The following COL5A1 variants were observed in gnomAD, a reference collection of about 807,000 sequenced individuals.
The protein encoded by COL5A1 is collagen type V alpha 1 chain.
COL5A1 carries 16 observed loss-of-function variants against 263.7 expected under a neutral mutation model. The ratio of observed to expected loss-of-function variants is 0.06; its 90% CI spans 0.04 to 0.09. COL5A1 has a LOEUF of 0.09. Ranked by LOEUF, COL5A1 falls within the 10% of genes least tolerant of loss-of-function variation. The pLI is 1.00. For synonymous variants in COL5A1, 1,012 were observed against 1,004.5 expected (o/e 1.01, Z -0.14); for missense variants, 2,036 against 2,540.5 (o/e 0.80, Z 4.27).
intron 37 of COL5A1, among the ~76,000 whole-genome samples, chr9:134,800,670 G>A (rs902573125): frequency 8.6e-5 from 13 of 151,460 alleles, no homozygotes; most frequent in Non-Finnish European, 1.6e-4. Flanking sequence ...GCTTGAATCC[G>A]GGAGGTGGAG....
chr9:134,702,388 G>A lies in COL5A1; in HGVS notation c.654+1055G>A, dbSNP rs978799283. On this transcript the variant is annotated intron_variant, in intron 4 of 65. Transcript: ENST00000371817. ...GTGTCTCCTCCCTAAATCCCCGAGC[G>A]CTGCCGTGAGCTCCTGGCTGTGTCT... 3.3e-5 allele frequency among the ~76,000 whole-genome samples: 5 copies of A among 152,174 alleles called. No homozygotes were observed. The South Asian group carries it at 6.2e-4, about 19-fold the overall frequency.
chr9:134,823,103 G>C (rs990301420), intron 60 of COL5A1, 70 bp downstream of exon 60: 12 of 1,541,966 alleles, frequency 7.8e-6, no homozygotes, highest in Non-Finnish European at 1.1e-5. Context: ...CCCTGGCACG[G>C]GAACAAACTA....
intron 37 of COL5A1, among the ~76,000 whole-genome samples, chr9:134,800,483 G>A (rs534519031): frequency 7.9e-5 from 12 of 152,198 alleles, no homozygotes; most frequent in Admixed American, 2.0e-4. Flanking sequence ...AGTGGCTCAC[G>A]CCTGCAATCC....
intron 7 of COL5A1, among the ~76,000 whole-genome samples, chr9:134,731,174 GTCTGCA>G: frequency 6.6e-6 from 1 of 152,224 alleles, no homozygotes; most frequent in South Asian, 2.1e-4. Flanking sequence ...AGACCCCTGC[GTCTGCA>G]GCACCGCCCT....
chr9:134,646,337 T>C (rs1422297722), intron 1 of COL5A1, among the ~76,000 whole-genome samples: 1 of 152,138 alleles, frequency 6.6e-6, no homozygotes, highest in Non-Finnish European at 1.5e-5. Flanking sequence ...GGGAGCTTCC[T>C]GGAGGAGGTG....
At chr9:134,791,029 C>T (rs373862077) in intron 32 of COL5A1, among the ~76,000 whole-genome samples, 2 of 152,178 alleles carry the variant, frequency 1.3e-5, no homozygotes, top group African/African-American at 4.8e-5. Flanking sequence ...GCCCCTCATG[C>T]GTCTCAGCCT....
At chr9:134,650,298 C>G (rs1289996793) in intron 1 of COL5A1, among the ~76,000 whole-genome samples, 3 of 152,198 alleles carry the variant, frequency 2.0e-5, no homozygotes, top group Non-Finnish European at 4.4e-5. Context: ...GCATCGTAAC[C>G]GTCTTCCATT....
At chr9:134,654,596 AGTGTGTAGGGCTGAGG>A (rs1831861267) in intron 1 of COL5A1, among the ~76,000 whole-genome samples, 2 of 13,802 alleles carry the variant, frequency 1.4e-4, no homozygotes, top group African/African-American at 3.3e-4. Context: ...TAGGGCTGGG[AGTGTGTAGGGCTGAGG>A]GTGTGTAGGG....
chr9:134,723,249 C>A (rs1009697098), intron 4 of COL5A1, among the ~76,000 whole-genome samples: 4 of 152,188 alleles, frequency 2.6e-5, no homozygotes, highest in African/African-American at 9.7e-5. Flanking sequence ...TCCTGAGGCA[C>A]CCTGCGGAGA....
chr9:134,825,734 C>A, intron 62 of COL5A1, 58 bp from the exon 63 acceptor site: 1 of 1,167,578 alleles, frequency 8.6e-7, no homozygotes. Flanking sequence ...CTTCCGGAAC[C>A]ATCCAGGGAG....
At chr9:134,771,654 GAA>G (rs1420758126) in intron 25 of COL5A1, among the ~76,000 whole-genome samples, 2 of 152,228 alleles carry the variant, frequency 1.3e-5, no homozygotes, top group Non-Finnish European at 2.9e-5. Flanking sequence ...ACTGTGTCTA[GAA>G]AGAGTCTCAG....
intron 1 of COL5A1, among the ~76,000 whole-genome samples, chr9:134,655,205 C>T (rs1170988569): frequency 5.9e-5 from 9 of 151,272 alleles, no homozygotes; most frequent in Admixed American, 1.3e-4. Flanking sequence ...TGTGTTGGGC[C>T]GGGCGTCTGT....
In COL5A1 at chr9:134,686,030, A is replaced by G. The variant is rs138956706; in HGVS notation, c.110-4882A>G. 2.1e-3 allele frequency among the ~76,000 whole-genome samples: 314 copies of G among 152,190 alleles called. 1 individual carries two copies. The highest frequency in any genetic ancestry group is 7.3e-3 in the African/African-American group (302 of 41,512). On this transcript the variant is annotated intron_variant, in intron 1 of 65. Transcript: ENST00000371817. This position sits in a 1 kb window ranked among gnomAD's most constrained non-coding sequence, Gnocchi z 4.6. ...CATTCATCCATCCATCCATTCATCC[A>G]TCTATCCACCATTCATTTATCCACT...
intron 61 of COL5A1, among the ~76,000 whole-genome samples, chr9:134,824,097 G>T (rs1026189721): frequency 6.6e-6 from 1 of 152,176 alleles, no homozygotes; most frequent in Non-Finnish European, 1.5e-5. Flanking sequence ...ACCAGGGCAT[G>T]GCGAGTGCAC....
chr9:134,732,747 T>G (rs1026587871), intron 9 of COL5A1: 1 of 169,580 alleles, frequency 5.9e-6, no homozygotes, highest in Non-Finnish European at 1.3e-5. Context: ...GATAATGCCC[T>G]CAAGCGTGGG....
chr9:134,657,413 TATG>T (rs1832039980), intron 1 of COL5A1, among the ~76,000 whole-genome samples: 1 of 36,988 alleles, frequency 2.7e-5, no homozygotes, highest in Non-Finnish European at 4.8e-5. Context: ...TTATAGATAA[TATG>T]GGGGTGGGGT....
rs141195521 is a variant in COL5A1, at chr9:134,703,049, T to C, written c.654+1716T>C. 2.6e-3 allele frequency among the ~76,000 whole-genome samples: 393 copies of C among 152,324 alleles called. 3 individuals carry two copies. The highest frequency in any genetic ancestry group is 8.5e-3 in the African/African-American group (355 of 41,572). On this transcript the variant is annotated intron_variant, in intron 4 of 65. Transcript: ENST00000371817. ...CCCAGTGCAGACCGCAGAGGAATGA[T>C]CAGAGCAGCCACGCTCTGTGGAATG...
intron 18 of COL5A1, among the ~76,000 whole-genome samples, chr9:134,760,447 A>C: frequency 1.2e-5 from 1 of 81,700 alleles, no homozygotes; most frequent in Non-Finnish European, 2.0e-5. Context: ...ACACACATGC[A>C]TACACACCCA....
chr9:134,774,025 G>A lies in COL5A1; in HGVS notation c.2332-834G>A, dbSNP rs554083147. Among the ~76,000 whole-genome samples, 97 of 152,352 alleles carry A rather than the reference G, an allele frequency of 6.4e-4. No homozygotes were observed. In the Middle Eastern group the frequency reaches 0.014, roughly 21 times the overall value. On this transcript the variant is annotated intron_variant, in intron 26 of 65. Coordinates refer to ENST00000371817, the MANE Select transcript of COL5A1 (RefSeq NM_000093.5). The stretch of plus-strand genomic sequence containing the variant: ...GCAGCACCTGGGGCCACCAGAGCTC[G>A]CACAGTGCCCGGAACTGGTGCTGAC...
Sources: allele counts gnomAD v4.1 joint callset (sites outside exome capture counted in the v4.1 genomes callset), GRCh38; gene constraint gnomAD v4.1.1; non-coding constraint Gnocchi (gnomAD v3.1); transcripts MANE v1.5; gene names NCBI Gene and HGNC (gene_info 2026-07-23, HGNC 2026-07-21).